The following CDH23 variants were observed in gnomAD, a reference collection of about 807,000 sequenced individuals.
CDH23 encodes the protein cadherin related 23.
Under a neutral mutation model 317.1 loss-of-function variants are expected in CDH23, and 189 were observed. The observed-to-expected ratio is 0.60, with a 90% CI of 0.53 to 0.67. CDH23 has a LOEUF of 0.67. CDH23 is among the 30% of genes least tolerant of loss of function. The pLI is 0.00. For synonymous variants in CDH23, 1,839 were observed against 1,876.8 expected (o/e 0.98, Z 0.52); for missense variants, 4,401 against 4,592.4 (o/e 0.96, Z 1.20).
At chr10:71,647,337 C>G (rs1408766304) in intron 14 of CDH23, among the ~76,000 whole-genome samples, 1 of 152,184 alleles carries the variant, frequency 6.6e-6, no homozygotes, top group Non-Finnish European at 1.5e-5. Context: ...GTGGCACACG[C>G]CTGTAGTCCC....
chr10:71,694,852 C>A (rs1865319227), intron 21 of CDH23, among the ~76,000 whole-genome samples: 1 of 152,192 alleles, frequency 6.6e-6, no homozygotes, highest in South Asian at 2.1e-4. Flanking sequence ...TTCTTTGGCT[C>A]ACCCTCAAAA....
In CDH23 at chr10:71,751,433, G is replaced by A. The variant is rs1839999663; in HGVS notation, c.4845+9512G>A. 5.5e-6 allele frequency: 2 copies of A among 366,914 alleles called. No homozygotes were observed. Among genetic ancestry groups the A allele is most frequent in the South Asian group, 8.5e-5 (2 of 23,566 alleles). 22.7% of individuals were successfully genotyped at this position (366,914 alleles called of 1,614,324 possible). A position where few individuals can be genotyped will look rare whatever the true frequency, so the allele number is the denominator to read the frequency against. On this transcript the variant is annotated intron_variant, in intron 38 of 69. Transcript: ENST00000224721. This position sits in a 1 kb window ranked among gnomAD's most constrained non-coding sequence, Gnocchi z 4.9. The stretch of plus-strand genomic sequence containing the variant: ...CTCAACCCCACCCCGTGAGGCCGTG[G>A]AACTCTTCAGGGAGGTGAATGGGGG...
chr10:71,630,327 A>C (rs1225435605), intron 11 of CDH23, among the ~76,000 whole-genome samples: 3 of 151,114 alleles, frequency 2.0e-5, no homozygotes, highest in Middle Eastern at 3.4e-3. Context: ...CAACCTAAAA[A>C]TTTTTTTAAA....
chr10:71,584,542 CTGTGTGTG>C (rs138103081), intron 9 of CDH23, among the ~76,000 whole-genome samples: 16 of 145,746 alleles, frequency 1.1e-4, no homozygotes, highest in East Asian at 1.0e-3. Flanking sequence ...GAAGGGAAGT[CTGTGTGTG>C]TGTGTGTGTG....
intron 2 of CDH23, among the ~76,000 whole-genome samples, chr10:71,442,262 A>G (rs1849924371): frequency 6.6e-6 from 1 of 151,852 alleles, no homozygotes; most frequent in African/African-American, 2.4e-5. Flanking sequence ...AGGGTCCCTC[A>G]CTCTCTCATT....
At chr10:71,492,992 G>A (rs1054790938) in intron 3 of CDH23, among the ~76,000 whole-genome samples, 8 of 152,144 alleles carry the variant, frequency 5.3e-5, no homozygotes, top group South Asian at 2.1e-4. Context: ...GAACCTCAGC[G>A]CCTGACTCCA....
In CDH23 at chr10:71,686,557, C is replaced by T. The variant is rs564091472; in HGVS notation, c.1987-1090C>T. 7.5e-4 allele frequency among the ~76,000 whole-genome samples: 114 copies of T among 152,272 alleles called. 1 individual carries two copies. The highest frequency in any genetic ancestry group is 1.0e-3 in the Non-Finnish European group (71 of 68,016). The stretch of plus-strand genomic sequence containing the variant: ...TCTTTCATGGCTGCTCTGTCAGCAG[C>T]GACTCCAGCAAAGGGGGCTTCATAC... On this transcript the variant is annotated intron_variant, in intron 18 of 69. Coordinates refer to ENST00000224721, the MANE Select transcript of CDH23 (RefSeq NM_022124.6).
rs150505401 is a variant in CDH23, at chr10:71,787,255, C to A, written c.5820+1517C>A. 1.1e-3 allele frequency among the ~76,000 whole-genome samples: 174 copies of A among 152,130 alleles called. No homozygotes were observed. In the South Asian group the frequency reaches 0.016, roughly 14 times the overall value. On this transcript the variant is annotated intron_variant, in intron 44 of 69. Coordinates refer to ENST00000224721, the MANE Select transcript of CDH23 (RefSeq NM_022124.6). The stretch of plus-strand genomic sequence containing the variant: ...GACCCAGACAGGGGAAATGAGGCAC[C>A]CAAGATCACCCAGAATAGGGTCTTC...
Position 71,734,263 on chromosome 10 carries a change from G to A in CDH23, c.4128G>A (p.Leu1376=), listed in dbSNP as rs773827025. ...AGGGTGTGATCACAGTCCAGGGCCTGGTGGACCGTGAGAAGGGCGACTTCT... is the reference window on the plus strand; with the variant it reads ...AGGGTGTGATCACAGTCCAGGGCCTAGTGGACCGTGAGAAGGGCGACTTCT... ...AITGVITVQG[L]VDREKGDFYT... Residue 1376 remains leucine (L), a synonymous_variant, in exon 33 of 70, where the codon CTG becomes CTA. Coordinates refer to ENST00000224721, the MANE Select transcript of CDH23 (RefSeq NM_022124.6). 1 of 1,611,798 alleles carries A rather than the reference G, an allele frequency of 6.2e-7. No homozygotes were observed. The highest frequency in any genetic ancestry group is 8.5e-7 in the Non-Finnish European group (1 of 1,179,024).
intron 26 of CDH23, chr10:71,707,633 G>A: frequency 1.4e-6 from 1 of 711,070 alleles, no homozygotes; most frequent in Non-Finnish European, 1.7e-6. Context: ...TTGGTAGATG[G>A]TGGCGCACAT....
At chr10:71,721,017 A>G (rs1183086429) in intron 28 of CDH23, among the ~76,000 whole-genome samples, 1 of 152,104 alleles carries the variant, frequency 6.6e-6, no homozygotes, top group Non-Finnish European at 1.5e-5. Context: ...CACTGCCTTC[A>G]TTTTCCTTAA....
chr10:71,646,624 C>A lies in CDH23; in HGVS notation c.1449+7C>A, dbSNP rs765119690. 117 of 1,613,870 alleles carry A rather than the reference C, an allele frequency of 7.2e-5. No homozygotes were observed. The highest frequency in any genetic ancestry group is 9.4e-5 in the Non-Finnish European group (111 of 1,179,898). On this transcript the variant is annotated splice_region_variant and intron_variant, in intron 14 of 69. Coordinates refer to ENST00000224721, the MANE Select transcript of CDH23 (RefSeq NM_022124.6). ...CTCTGTGCTGACAGTCCTGGTGAGT[C>A]CCCGCTTCACTGCAGGGCCACTGAG...
At chr10:71,503,066 T>C (rs734968) in intron 3 of CDH23, among the ~76,000 whole-genome samples, 5,226 of 152,296 alleles carry the variant, frequency 0.034, 218 homozygotes, top group East Asian at 0.12. Context: ...ATGGGCCCAG[T>C]GGGGCCTCAG....
intron 3 of CDH23, among the ~76,000 whole-genome samples, chr10:71,447,251 A>G (rs1188059114): frequency 1.3e-5 from 2 of 152,176 alleles, no homozygotes; most frequent in African/African-American, 4.8e-5. Context: ...ATGAGGCAGG[A>G]TGGCTCGGAG....
chr10:71,521,347 G>A (rs1854667996), intron 6 of CDH23, among the ~76,000 whole-genome samples: 1 of 152,102 alleles, frequency 6.6e-6, no homozygotes, highest in Non-Finnish European at 1.5e-5. Flanking sequence ...GGTGTGGGAG[G>A]CCTTTTCCCA....
intron 17 of CDH23, among the ~76,000 whole-genome samples, chr10:71,680,754 AAAAAAAAAAG>A (rs1864592456): frequency 6.9e-6 from 1 of 145,758 alleles, no homozygotes; most frequent in Non-Finnish European, 1.5e-5. Context: ...CTCAAAAAAA[AAAAAAAAAAG>A]AAAAAGAAAT....
At chr10:71,560,562 A>C (rs983545883) in intron 6 of CDH23, among the ~76,000 whole-genome samples, 1 of 151,940 alleles carries the variant, frequency 6.6e-6, no homozygotes, top group African/African-American at 2.4e-5. Flanking sequence ...CACCACTTAC[A>C]ATCTGTGCGA....
At chr10:71,811,173 C>A in intron 62 of CDH23, 142 bp from the exon 63 acceptor site, 1 of 1,193,652 alleles carries the variant, frequency 8.4e-7, no homozygotes, top group Non-Finnish European at 1.2e-6. Flanking sequence ...TTGTAAAACA[C>A]AAAGCTGTCC....
chr10:71,474,557 T>C (rs1851689773), intron 3 of CDH23, among the ~76,000 whole-genome samples: 1 of 152,214 alleles, frequency 6.6e-6, no homozygotes, highest in African/African-American at 2.4e-5. Context: ...TTCTGGCAAC[T>C]AGCAGCTGTT....
Sources: allele counts gnomAD v4.1 joint callset (sites outside exome capture counted in the v4.1 genomes callset), GRCh38; gene constraint gnomAD v4.1.1; non-coding constraint Gnocchi (gnomAD v3.1); transcripts MANE v1.5; gene names NCBI Gene and HGNC (gene_info 2026-07-23, HGNC 2026-07-21).